Variants in EP400 observed in about 807,000 individuals in gnomAD.
The protein encoded by EP400 is E1A-binding protein p400.
In EP400, 105 loss-of-function variants were observed where a neutral mutation model predicts 354.1. The observed-to-expected ratio is 0.30, with a 90% CI of 0.25 to 0.35. EP400 has a LOEUF of 0.35. Among genes scored for constraint, EP400 ranks in the 10% least tolerant of loss-of-function variants. The pLI is 1.00. For missense variants in EP400, 3,280 were observed against 4,121.0 expected (o/e 0.80, Z 5.59); for synonymous variants, 1,646 against 1,716.9 (o/e 0.96, Z 1.02).
At chr12:132,006,645 A>T in intron 14 of EP400, 55 bp from the exon 15 acceptor site, 1 of 1,511,208 alleles carries the variant, frequency 6.6e-7, no homozygotes, top group South Asian at 1.3e-5. Context: ...TTTGAGAAAA[A>T]GTTTGGGTGA....
At chr12:131,999,275 T>A (rs1893326212) in intron 12 of EP400, among the ~76,000 whole-genome samples, 1 of 152,184 alleles carries the variant, frequency 6.6e-6, no homozygotes, top group African/African-American at 2.4e-5. Flanking sequence ...AGCCTTGGCC[T>A]GACGTGTCCT....
At position 131,967,419 on chromosome 12, in the gene EP400, G is replaced by T. The variant is rs540233816; in HGVS notation, c.1335+5465G>T. 1.3e-4 allele frequency among the ~76,000 whole-genome samples: 20 copies of T among 151,348 alleles called. No homozygotes were observed. In the South Asian group the frequency reaches 4.0e-3, roughly 30 times the overall value. Reference sequence around the variant, plus strand: ...AATAAATAAAAAGGCTGGGCACAGTGGCTCATGCCTGTAATCCCAGCACTT... The same window carrying T: ...AATAAATAAAAAGGCTGGGCACAGTTGCTCATGCCTGTAATCCCAGCACTT... On this transcript the variant is annotated intron_variant, in intron 2 of 52. Transcript: ENST00000389561.
chr12:132,011,289 C>T (rs889217224), intron 15 of EP400, among the ~76,000 whole-genome samples: 2 of 152,220 alleles, frequency 1.3e-5, no homozygotes, highest in East Asian at 1.9e-4. Flanking sequence ...GGTGCTTGTG[C>T]AGCAGCGCCC....
intron 12 of EP400, among the ~76,000 whole-genome samples, chr12:132,000,531 A>G (rs530269906): frequency 2.6e-5 from 4 of 152,330 alleles, no homozygotes; most frequent in South Asian, 2.1e-4. Flanking sequence ...TTCTTGCTCT[A>G]TCAATTACTG....
chr12:131,957,521 C>CT (rs1216772545), intron 1 of EP400, among the ~76,000 whole-genome samples: 3 of 120,510 alleles, frequency 2.5e-5, no homozygotes, highest in Admixed American at 8.2e-5. Context: ...ATTTTTCTTT[C>CT]TTTCTTTTTT....
chr12:132,053,757 A>G (rs1355237029), intron 43 of EP400, among the ~76,000 whole-genome samples, 160 bp downstream of exon 43: 1 of 152,230 alleles, frequency 6.6e-6, no homozygotes, highest in African/African-American at 2.4e-5. Context: ...GCTTAGTCTC[A>G]TCCCAGAGGA....
chr12:131,955,264 T>C (rs1053059689), intron 1 of EP400, among the ~76,000 whole-genome samples: 1 of 151,902 alleles, frequency 6.6e-6, no homozygotes, highest in Non-Finnish European at 1.5e-5. Context: ...AATTGAAGTA[T>C]AATTTACATA....
chr12:131,986,536 C>T lies in EP400; in HGVS notation c.1952C>T (p.Pro651Leu). ...LPQMVASTRL[P>L]VDPAPPCPRP... ...CAGATGGTAGCATCGACAAGGCTCC[C>T]TGTGGACCCTGCCCCGCCCTGCCCA... Residue 651 changes from proline (P) to leucine (L), a missense_variant, in exon 6 of 53, where the codon CCT (proline) becomes CTT (leucine). Physicochemically the swap from Pro to Leu is moderately conservative, Grantham distance 98. Around this residue, in one of 20 missense-constraint regions of EP400, gnomAD observed 800 missense variants for 840.0 expected, o/e 0.95. Coordinates refer to ENST00000389561, the MANE Select transcript of EP400 (RefSeq NM_015409.5). The T allele has an allele frequency of 6.2e-7, 1 of 1,610,216 alleles. No homozygotes were observed. Among genetic ancestry groups the T allele is most frequent in the Non-Finnish European group, 8.5e-7 (1 of 1,177,744 alleles).
intron 1 of EP400, among the ~76,000 whole-genome samples, chr12:131,956,631 A>G (rs113195520): frequency 0.014 from 2,207 of 152,226 alleles, 51 homozygotes; most frequent in African/African-American, 0.051. Flanking sequence ...CTACTCCTAC[A>G]GGGCGTTTTT....
At position 131,950,636 on chromosome 12, in the gene EP400, A is replaced by G. The variant is rs879286386; in HGVS notation, c.-36+600A>G. Among the ~76,000 whole-genome samples the G allele has an allele frequency of 1.5e-4, 23 of 152,120 alleles. 1 individual carries two copies. The highest frequency in any genetic ancestry group is 1.5e-3 in the Admixed American group (23 of 15,272). The stretch of plus-strand genomic sequence containing the variant: ...AGACCTGCCCGGTCCTCCACGGCGG[A>G]GCCTTAGTAATTGCCGCTGCCTCCC... On this transcript the variant is annotated intron_variant, in intron 1 of 52. Coordinates refer to ENST00000389561, the MANE Select transcript of EP400 (RefSeq NM_015409.5).
At chr12:132,024,814 C>A (rs1254229285) in intron 24 of EP400, among the ~76,000 whole-genome samples, 14 of 151,556 alleles carry the variant, frequency 9.2e-5, no homozygotes, top group African/African-American at 2.9e-4. Context: ...GCCACCCCCC[C>A]ACAGCAGCCC....
At position 132,038,115 on chromosome 12, in the gene EP400, T is replaced by G; in HGVS notation, c.6207+19T>G. 1 of 1,613,920 alleles carries G rather than the reference T, an allele frequency of 6.2e-7. No individual in the cohort carries two copies. ...CATAGAGGTAAGAATACATTGAATC[T>G]GGCTGAAGAGTTGCACGGTGGGAGC... On this transcript the variant is annotated intron_variant, in intron 32 of 52. Coordinates refer to ENST00000389561, the MANE Select transcript of EP400 (RefSeq NM_015409.5). The surrounding 1 kb of genome is among the most constrained non-coding windows in gnomAD (Gnocchi z 4.2).
chr12:131,987,641 G>A, intron 6 of EP400, 64 bp from the exon 7 acceptor site: 2 of 1,436,064 alleles, frequency 1.4e-6, no homozygotes, highest in Admixed American at 2.2e-5. Flanking sequence ...AATTTCTGGG[G>A]TCTGAGTTGG....
rs988116006 is a variant in EP400, at chr12:132,025,866, C to A, written c.5014+62C>A. 5.4e-6 allele frequency: 8 copies of A among 1,484,506 alleles called. No individual in the cohort carries two copies. In the South Asian group the frequency reaches 1.1e-4, roughly 21 times the overall value. The allele number at this position is 1,484,506 out of a possible 1,614,324, so 92.0% of individuals were successfully genotyped here. On this transcript the variant is annotated intron_variant, in intron 25 of 52. Coordinates refer to ENST00000389561, the MANE Select transcript of EP400 (RefSeq NM_015409.5). The surrounding 1 kb of genome is among the most constrained non-coding windows in gnomAD (Gnocchi z 4.1). ...ATGCTTCTTTCTCTTCCATCTAAGGCGAGTGGAAAGCATTCATGTGTCTTT... is the reference window on the plus strand; with the variant it reads ...ATGCTTCTTTCTCTTCCATCTAAGGAGAGTGGAAAGCATTCATGTGTCTTT...
At chr12:132,000,423 CA>C (rs1893367833) in intron 12 of EP400, among the ~76,000 whole-genome samples, 1 of 152,134 alleles carries the variant, frequency 6.6e-6, no homozygotes, top group African/African-American at 2.4e-5. Flanking sequence ...TTTAAAACAA[CA>C]TGCATTCATC....
intron 5 of EP400, among the ~76,000 whole-genome samples, chr12:131,984,553 A>G (rs1210853980): frequency 6.6e-6 from 1 of 152,110 alleles, no homozygotes; most frequent in East Asian, 1.9e-4. Flanking sequence ...TGCTTGCTTT[A>G]GGTTTTTGTG....
rs770605528 is a variant in EP400 at position 132,078,396 on chromosome 12, C to G, written c.*723C>G. On this transcript the variant is annotated 3_prime_UTR_variant, in exon 53 of 53. Coordinates refer to ENST00000389561, the MANE Select transcript of EP400 (RefSeq NM_015409.5). The stretch of plus-strand genomic sequence containing the variant: ...CCAGGCCCTACCCTGCAATGGGATT[C>G]GCTTTCATTTAATGGAAACTTCTGG... The G allele has an allele frequency of 6.6e-6, 1 of 152,300 alleles. No individual in the cohort carries two copies. The highest frequency in any genetic ancestry group is 1.5e-5 in the Non-Finnish European group (1 of 68,084). 9.4% of individuals were successfully genotyped at this position (152,300 alleles called of 1,614,324 possible).
intron 29 of EP400, among the ~76,000 whole-genome samples, chr12:132,030,919 C>T (rs1434552378): frequency 6.6e-6 from 1 of 152,200 alleles, no homozygotes; most frequent in East Asian, 1.9e-4. Context: ...TAGCATGGCC[C>T]AGTGTCCCCC....
chr12:131,963,393 C>G, intron 2 of EP400: 1 of 643,114 alleles, frequency 1.6e-6, no homozygotes, highest in Non-Finnish European at 2.7e-6. Flanking sequence ...AGTTCAGTAT[C>G]CTTTCACAGG....
Sources: gnomAD v4.1 joint callset for allele counts (sites outside exome capture counted in the v4.1 genomes callset) on GRCh38, gnomAD v4.1.1 for gene constraint, gnomAD v4.1.1 regional missense constraint, Gnocchi (gnomAD v3.1) non-coding constraint, MANE v1.5 for transcripts, NCBI Gene and HGNC (gene_info 2026-07-23, HGNC 2026-07-21) for gene names.